Variants in CDH10 observed in about 807,000 individuals in gnomAD.
The protein encoded by CDH10 is cadherin 10.
Under a neutral mutation model 73.1 loss-of-function variants are expected in CDH10, and 30 were observed. That is an observed-to-expected ratio of 0.41 (90% CI 0.31 to 0.56). The LOEUF (loss-of-function observed/expected upper bound fraction) is 0.56, where lower values mean the gene tolerates loss of function less well. Among genes scored for constraint, CDH10 ranks in the 20% least tolerant of loss-of-function variants. The pLI is 0.27. For synonymous variants in CDH10, 345 were observed against 348.2 expected, an observed-to-expected ratio of 0.99 and a Z score of 0.10; for missense variants, 815 against 973.7, an observed-to-expected ratio of 0.84 and a Z score of 2.17.
chr5:24,544,048 C>A (rs1344254226), intron 2 of CDH10, among the ~76,000 whole-genome samples: 1 of 152,272 alleles, frequency 6.6e-6, no homozygotes, highest in Non-Finnish European at 1.5e-5. Flanking sequence ...GTAATCCCAG[C>A]ACTTTGGGAG....
chr5:24,488,061 A>G lies in CDH10; in HGVS notation c.1969T>C (p.Tyr657His), dbSNP rs2111611194. ...TCCTCTCCACCACCCTCATCGTTATAGCTCACAATGTTGTCTCTGATATCT... is the reference window on the plus strand; with the variant it reads ...TCCTCTCCACCACCCTCATCGTTATGGCTCACAATGTTGTCTCTGATATCT... ...KEDIRDNIVS[Y>H]NDEGGGEEDT... Residue 657 changes from tyrosine to histidine, a missense_variant, in exon 12 of 12, where the codon TAT becomes CAT. By Grantham distance (83) the Tyr-to-His change is moderately conservative. This residue lies in a region of CDH10 where 241 missense variants were observed against 240.3 expected (regional missense o/e 1.00). Coordinates refer to ENST00000264463, the MANE Select transcript of CDH10 (RefSeq NM_006727.5). 6.2e-7 allele frequency: 1 copy of G among 1,613,944 alleles called. No individual in the cohort carries two copies. Among genetic ancestry groups the G allele is most frequent in the Non-Finnish European group, 8.5e-7 (1 of 1,179,944 alleles).
intron 2 of CDH10, among the ~76,000 whole-genome samples, chr5:24,560,208 G>A (rs1280839769): frequency 2.0e-4 from 2 of 9,882 alleles, no homozygotes; most frequent in Admixed American, 1.4e-3. Context: ...AATTGTGTGT[G>A]TGTGTGTGTG....
chr5:24,634,908 A>G (rs1018698532), intron 1 of CDH10, among the ~76,000 whole-genome samples: 3 of 151,682 alleles, frequency 2.0e-5, no homozygotes, highest in African/African-American at 7.3e-5. Context: ...ATAAATGTAT[A>G]TTTTATGACC....
chr5:24,555,917 C>G (rs953132321), intron 2 of CDH10, among the ~76,000 whole-genome samples: 1 of 152,032 alleles, frequency 6.6e-6, no homozygotes, highest in African/African-American at 2.4e-5. Context: ...CTTTACTATA[C>G]CTCAAAGATA....
intron 1 of CDH10, chr5:24,612,205 T>G (rs1262363945): frequency 6.6e-6 from 1 of 152,194 alleles, no homozygotes; most frequent in Non-Finnish European, 1.5e-5. Context: ...TTAATAAGAA[T>G]TAGATATTCT....
At chr5:24,626,545 T>C (rs2112182711) in intron 1 of CDH10, among the ~76,000 whole-genome samples, 1 of 152,230 alleles carries the variant, frequency 6.6e-6, no homozygotes, top group East Asian at 1.9e-4. Context: ...TCATACAACT[T>C]GAATCAGGTT....
intron 1 of CDH10, among the ~76,000 whole-genome samples, chr5:24,619,204 T>C (rs1747225795): frequency 6.6e-6 from 1 of 152,106 alleles, no homozygotes; most frequent in Non-Finnish European, 1.5e-5. Context: ...GATTTTTTTT[T>C]TTCTTTTGAG....
At chr5:24,511,101 A>G (rs1742886683) in intron 6 of CDH10, among the ~76,000 whole-genome samples, 1 of 152,216 alleles carries the variant, frequency 6.6e-6, no homozygotes, top group Non-Finnish European at 1.5e-5. Flanking sequence ...CTTGCCTTTT[A>G]TATTTTCTAA....
At chr5:24,622,542 A>G (rs982705545) in intron 1 of CDH10, among the ~76,000 whole-genome samples, 1 of 152,196 alleles carries the variant, frequency 6.6e-6, no homozygotes, top group African/African-American at 2.4e-5. Flanking sequence ...CTGATTAGAG[A>G]ATGGATTACC....
At chr5:24,603,731 C>T (rs959777252) in intron 1 of CDH10, among the ~76,000 whole-genome samples, 2 of 151,238 alleles carry the variant, frequency 1.3e-5, no homozygotes, top group African/African-American at 4.9e-5. Context: ...AAAAAAAATG[C>T]TAACGTTTCC....
At chr5:24,545,258 G>A (rs2111926818) in intron 2 of CDH10, among the ~76,000 whole-genome samples, 1 of 152,210 alleles carries the variant, frequency 6.6e-6, no homozygotes, top group East Asian at 1.9e-4. Flanking sequence ...CCCACAACTT[G>A]GAGAAGTCTT....
chr5:24,489,691 AC>A (rs1283236957), intron 11 of CDH10, among the ~76,000 whole-genome samples: 3 of 152,168 alleles, frequency 2.0e-5, no homozygotes, highest in Non-Finnish European at 4.4e-5. Flanking sequence ...GTTTAAACTA[AC>A]AAAACTAGAG....
intron 2 of CDH10, among the ~76,000 whole-genome samples, chr5:24,563,959 T>C (rs1745069307): frequency 1.3e-5 from 2 of 152,204 alleles, no homozygotes; most frequent in Admixed American, 1.3e-4. Flanking sequence ...AATCTGCTTC[T>C]GAATACTTTA....
chr5:24,507,885 G>T (rs1442851043), intron 7 of CDH10, among the ~76,000 whole-genome samples: 1 of 152,160 alleles, frequency 6.6e-6, no homozygotes, highest in East Asian at 1.9e-4. Context: ...TGTAACCTGT[G>T]ATGCTGTGTG....
chr5:24,632,658 G>T (rs763434369), intron 1 of CDH10, among the ~76,000 whole-genome samples: 1 of 151,940 alleles, frequency 6.6e-6, no homozygotes, highest in South Asian at 2.1e-4. Context: ...TTGCCTAATA[G>T]CAATGGACAA....
Position 24,531,946 on chromosome 5 carries a change from C to T in CDH10, c.814+3166G>A, listed in dbSNP as rs189437725. Among the ~76,000 whole-genome samples, 275 of 152,222 alleles carry T rather than the reference C, an allele frequency of 1.8e-3. 4 individuals carry two copies. Among genetic ancestry groups the T allele is most frequent in the Non-Finnish European group, 2.4e-3 (162 of 68,012 alleles). On this transcript the variant is annotated intron_variant, in intron 5 of 11. Transcript: ENST00000264463. ...TTAAAATTGTAAGGATGCTTAGAAG[C>T]AGCCCTAGCTTCCACCCATTAGATT...
chr5:24,550,690 A>G (rs1744511687), intron 2 of CDH10, among the ~76,000 whole-genome samples: 1 of 152,084 alleles, frequency 6.6e-6, no homozygotes, highest in African/African-American at 2.4e-5. Flanking sequence ...AGAATGCATC[A>G]TTTCCATCCT....
chr5:24,556,663 A>G (rs928550205), intron 2 of CDH10, among the ~76,000 whole-genome samples: 5 of 151,830 alleles, frequency 3.3e-5, no homozygotes, highest in Admixed American at 6.6e-5. Flanking sequence ...TAAACTAACC[A>G]TTAAATAGTT....
chr5:24,556,756 A>G (rs1177594516), intron 2 of CDH10, among the ~76,000 whole-genome samples: 1 of 151,824 alleles, frequency 6.6e-6, no homozygotes, highest in Non-Finnish European at 1.5e-5. Context: ...TTAATAAAAT[A>G]TTTAATATAG....
Sources: allele counts gnomAD v4.1 joint callset (sites outside exome capture counted in the v4.1 genomes callset), GRCh38; gene constraint gnomAD v4.1.1; regional missense constraint gnomAD v4.1.1; transcripts MANE v1.5; gene names NCBI Gene and HGNC (gene_info 2026-07-23, HGNC 2026-07-21).